The following JOSD2 variants were observed in gnomAD, a reference collection of about 807,000 sequenced individuals.
JOSD2 encodes Josephin domain containing 2, also known as josephin-2.
In JOSD2, 20 loss-of-function variants were observed where a neutral mutation model predicts 19.3. The ratio of observed to expected loss-of-function variants is 1.04; its 90% CI spans 0.73 to 1.51. The LOEUF is 1.51. JOSD2 is among the 40% of genes most tolerant of loss of function. The pLI is 0.00. For synonymous variants in JOSD2, 118 were observed against 123.7 expected (o/e 0.95, Z 0.31); for missense variants, 215 against 250.4 (o/e 0.86, Z 0.95).
intron 2 of JOSD2, among the ~76,000 whole-genome samples, chr19:50,509,086 G>A (rs1214281519): frequency 2.0e-5 from 3 of 149,466 alleles, no homozygotes; most frequent in South Asian, 2.1e-4. Context: ...GAGGGAGTGA[G>A]AGATGGTAAA....
In JOSD2 at chr19:50,510,398, G is replaced by A; in HGVS notation, c.34C>T (p.Pro12Ser). Residue 12 changes from proline (P) to serine (S), a missense_variant, in exon 2 of 5, where the codon CCC (proline) becomes TCC (serine). Coordinates refer to ENST00000598418, the MANE Select transcript of JOSD2 (RefSeq NM_001270639.2). Reference sequence around the variant, plus strand: ...CGCTGCCGTTCGTGGTACACGGTGGGTGGGCTCGGCTGTGCTCCCGGGGCC... The same window carrying A: ...CGCTGCCGTTCGTGGTACACGGTGGATGGGCTCGGCTGTGCTCCCGGGGCC... ...SQAPGAQPSP[P>S]TVYHERQRLE... The A allele has an allele frequency of 6.2e-7, 1 of 1,612,862 alleles. No homozygotes were observed. The highest frequency in any genetic ancestry group is 2.2e-5 in the East Asian group (1 of 44,872).
chr19:50,510,374 G>A lies in JOSD2; in HGVS notation c.58C>T (p.Arg20Cys), dbSNP rs776162705. Reference sequence around the variant, plus strand: ...GCGTGGACAGCACACAGCTCCAGGCGCTGCCGTTCGTGGTACACGGTGGGT... The same window carrying A: ...GCGTGGACAGCACACAGCTCCAGGCACTGCCGTTCGTGGTACACGGTGGGT... Reference protein sequence around the residue: ...SPPTVYHERQRLELCAVHALN... With the variant: ...SPPTVYHERQCLELCAVHALN... The change falls in exon 2 of 5, where the codon CGC becomes TGC. Residue 20 changes from arginine to cysteine, a missense_variant. Arg to Cys is a radical substitution (Grantham distance 180). Coordinates refer to ENST00000598418, the MANE Select transcript of JOSD2 (RefSeq NM_001270639.2). 6.2e-7 allele frequency: 1 copy of A among 1,613,404 alleles called. No individual in the cohort carries two copies. Among genetic ancestry groups the A allele is most frequent in the South Asian group, 1.1e-5 (1 of 91,088 alleles).
chr19:50,510,421 GCCTGGGACATGCCGTCCTCGGCT>G lies in JOSD2; in HGVS notation c.-13_10del. 1 of 1,608,726 alleles carries G rather than the reference GCCTGGGACATGCCGTCCTCGGCT, an allele frequency of 6.2e-7. No individual in the cohort carries two copies. Among genetic ancestry groups the G allele is most frequent in the Non-Finnish European group, 8.5e-7 (1 of 1,177,202 alleles). ...GGGTGGGCTCGGCTGTGCTCCCGGG[GCCTGGGACATGCCGTCCTCGGCT>G]CCTGCTGGGGGTTGGGAGGGGGAGA... On this transcript the variant is annotated start_lost and 5_prime_UTR_variant, in exon 2 of 5. Coordinates refer to ENST00000598418, the MANE Select transcript of JOSD2 (RefSeq NM_001270639.2).
Position 50,510,352 on chromosome 19 carries a change from T to C in JOSD2, c.80A>G (p.His27Arg), listed in dbSNP as rs1200060616. The C allele has an allele frequency of 6.2e-7, 1 of 1,613,426 alleles. No homozygotes were observed. Among genetic ancestry groups the C allele is most frequent in the African/African-American group, 1.3e-5 (1 of 74,938 alleles). The change falls in exon 2 of 5, where the codon CAC (histidine) becomes CGC (arginine). Residue 27 changes from histidine to arginine, a missense_variant. Physicochemically the swap from His to Arg is conservative, Grantham distance 29 (BLOSUM62 0). Transcript: ENST00000598418. ...CTGCTGCAGAACGTTGTTGAGGGCG[T>C]GGACAGCACACAGCTCCAGGCGCTG... Reference protein sequence around the residue: ...ERQRLELCAVHALNNVLQQQL... With the variant: ...ERQRLELCAVRALNNVLQQQL...
At chr19:50,508,022 C>T in intron 2 of JOSD2, 4 of 434,644 alleles carry the variant, frequency 9.2e-6, no homozygotes, top group Non-Finnish European at 1.7e-5. Context: ...TGCCCTGTCC[C>T]CAAGTCCTGT....
intron 2 of JOSD2, 63 bp downstream of exon 2, chr19:50,510,223 G>A: frequency 1.2e-6 from 2 of 1,607,008 alleles, no homozygotes; most frequent in Non-Finnish European, 1.7e-6. Context: ...CTGGCGGCGA[G>A]ACCCAGGTGG....
In JOSD2 at chr19:50,507,632, C is replaced by T; in HGVS notation, c.214G>A (p.Val72Met). The change falls in exon 3 of 5, where the codon GTG becomes ATG. Residue 72 changes from valine (V) to methionine (M), a missense_variant. Val to Met is a conservative substitution (Grantham distance 21). Coordinates refer to ENST00000598418, the MANE Select transcript of JOSD2 (RefSeq NM_001270639.2). ...AGCCCCTGCAGAGCGGCCATGATCA[C>T]ATTGACATCATAGTTGCCGGTGCCC... is the stretch of plus-strand genomic sequence containing the variant. ...LLGTGNYDVN[V>M]IMAALQGLGL... 5 of 1,611,648 alleles carry T rather than the reference C, an allele frequency of 3.1e-6. No individual in the cohort carries two copies. The highest frequency in any genetic ancestry group is 4.2e-6 in the Non-Finnish European group (5 of 1,179,938).
chr19:50,510,867 T>G (rs966527676), intron 1 of JOSD2, among the ~76,000 whole-genome samples: 3 of 151,628 alleles, frequency 2.0e-5, no homozygotes, highest in African/African-American at 7.3e-5. Flanking sequence ...CCTCCTCCCC[T>G]GTCTCTAGGT....
rs183020853 is a variant in JOSD2, at chr19:50,509,024, G to A, written c.146+1262C>T. Among the ~76,000 whole-genome samples, 513 of 152,062 alleles carry A rather than the reference G, an allele frequency of 3.4e-3. 1 individual carries two copies. The highest frequency in any genetic ancestry group is 3.3e-3 in the Non-Finnish European group (225 of 67,990). ...ACAGACTGGAGGCCATGGGCAGGCT[G>A]GGCAGGAGAGGGTCAGGCCTGAGCT... On this transcript the variant is annotated intron_variant, in intron 2 of 4. Transcript: ENST00000598418.
chr19:50,510,983 G>T, intron 1 of JOSD2, 134 bp downstream of exon 1: 1 of 405,946 alleles, frequency 2.5e-6, no homozygotes, highest in South Asian at 1.7e-5. Context: ...CCCCTCCCCA[G>T]TCACTAAGCA....
intron 3 of JOSD2, 119 bp downstream of exon 3, chr19:50,507,455 T>C: frequency 7.2e-7 from 1 of 1,381,630 alleles, no homozygotes; most frequent in South Asian, 1.4e-5. Context: ...AGTGCCAGGC[T>C]TCCCACATTC....
In JOSD2 at chr19:50,506,800, TCCACCCAC is replaced by T. The variant is rs1317084564; in HGVS notation, c.273-236_273-229del. 2.7e-4 allele frequency among the ~76,000 whole-genome samples: 4 copies of T among 14,600 alleles called. No individual in the cohort carries two copies. The East Asian group carries it at 0.014, about 51-fold the overall frequency. 9.6% of individuals were successfully genotyped at this position (14,600 alleles called of 152,430 possible). On this transcript the variant is annotated intron_variant, in intron 3 of 4. Coordinates refer to ENST00000598418, the MANE Select transcript of JOSD2 (RefSeq NM_001270639.2). Reference sequence around the variant, plus strand: ...AGACCTCCCACCCACCCACCCACCGTCCACCCACCCACCCACCGTCCACCCAACTCACA... The same window carrying T: ...AGACCTCCCACCCACCCACCCACCGTCCACCCACCGTCCACCCAACTCACA...
At chr19:50,507,821 C>T in intron 2 of JOSD2, 122 bp from the exon 3 acceptor site, 1 of 1,233,364 alleles carries the variant, frequency 8.1e-7, no homozygotes, top group Non-Finnish European at 1.1e-6. Context: ...GACCCCACAA[C>T]TCATCCACCC....
chr19:50,508,611 C>G (rs1979530105), intron 2 of JOSD2, among the ~76,000 whole-genome samples: 1 of 151,732 alleles, frequency 6.6e-6, no homozygotes, highest in Non-Finnish European at 1.5e-5. Context: ...CGCCTGTCAC[C>G]ACTTGTCTCT....
chr19:50,509,803 T>C (rs922601304), intron 2 of JOSD2, among the ~76,000 whole-genome samples: 8 of 151,854 alleles, frequency 5.3e-5, no homozygotes, highest in South Asian at 2.1e-4. Context: ...CCTGTAATCC[T>C]AGCACTTTGG....
At chr19:50,507,307 C>T (rs1237045797) in intron 3 of JOSD2, among the ~76,000 whole-genome samples, 1 of 151,836 alleles carries the variant, frequency 6.6e-6, no homozygotes, top group African/African-American at 2.4e-5. Context: ...CTGTCTGCTG[C>T]CCATTGCCCA....
rs762471974 is a variant in JOSD2 at position 50,510,467 on chromosome 19, A to T, written c.-17-19T>A. On this transcript the variant is annotated intron_variant, in intron 1 of 4. Transcript: ENST00000598418. ...GCTCCTGCTGGGGGTTGGGAGGGGG[A>T]GAAGGTCCTCAGGGGCCCGGGATCT... 1 of 1,580,514 alleles carries T rather than the reference A, an allele frequency of 6.3e-7. No homozygotes were observed. Among genetic ancestry groups the T allele is most frequent in the African/African-American group, 1.4e-5 (1 of 74,064 alleles).
At chr19:50,508,799 G>C (rs1232787603) in intron 2 of JOSD2, among the ~76,000 whole-genome samples, 1 of 151,760 alleles carries the variant, frequency 6.6e-6, no homozygotes, top group Non-Finnish European at 1.5e-5. Flanking sequence ...TCTCCAGCAT[G>C]GCTTTTGTAT....
rs556385874 is a variant in JOSD2 at position 50,510,132 on chromosome 19, C to T, written c.146+154G>A. 1.8e-4 allele frequency: 145 copies of T among 794,556 alleles called. No individual in the cohort carries two copies. The African/African-American group carries it at 2.3e-3, about 12-fold the overall frequency. 49.2% of individuals were successfully genotyped at this position (794,556 alleles called of 1,614,324 possible). On this transcript the variant is annotated intron_variant, in intron 2 of 4. Coordinates refer to ENST00000598418, the MANE Select transcript of JOSD2 (RefSeq NM_001270639.2). ...CACAGGGACAGACAGGCACAGGAGG[C>T]AACATCTCCCCAGAGTCCCAGCGTC...
Sources: allele counts gnomAD v4.1 joint callset (sites outside exome capture counted in the v4.1 genomes callset), GRCh38; gene constraint gnomAD v4.1.1; transcripts MANE v1.5; gene names NCBI Gene and HGNC (gene_info 2026-07-23, HGNC 2026-07-21).